The following MARCHF1 variants were observed in gnomAD, a reference collection of about 807,000 sequenced individuals.
MARCHF1 encodes membrane associated ring-CH-type finger 1.
A neutral mutation model predicts 54.2 loss-of-function variants in MARCHF1; 40 were observed. That is an observed-to-expected ratio of 0.74 (90% confidence interval 0.57 to 0.96). MARCHF1 has a LOEUF of 0.96. Among genes scored for constraint, MARCHF1 ranks in the 40% least tolerant of loss-of-function variants. The pLI is 0.00. For synonymous variants in MARCHF1, 236 were observed against 236.3 expected, an observed-to-expected ratio of 1.00 and a Z score of 0.01; for missense variants, 586 against 656.5, an observed-to-expected ratio of 0.89 and a Z score of 1.17.
At chr4:164,147,958 C>A (rs184699752) in intron 1 of MARCHF1, among the ~76,000 whole-genome samples, 1 of 151,716 alleles carries the variant, frequency 6.6e-6, no homozygotes, top group African/African-American at 2.4e-5. Context: ...AAAGTATAAT[C>A]TATAGAATAT....
chr4:163,531,429 A>G (rs1465008140), intron 9 of MARCHF1, among the ~76,000 whole-genome samples: 1 of 151,834 alleles, frequency 6.6e-6, no homozygotes, highest in African/African-American at 2.4e-5. Context: ...CAATCATGAT[A>G]AAAACTAGGA....
At position 163,986,246 on chromosome 4, in the gene MARCHF1, C is replaced by CTTTTTTTTTTTTTTTTTTTT. The variant is rs1752861022; in HGVS notation, c.-39+2254_-39+2255insAAAAAAAAAAAAAAAAAAAA. On this transcript the variant is annotated intron_variant, in intron 3 of 9. Coordinates refer to ENST00000514618, the MANE Select transcript of MARCHF1 (RefSeq NM_001394959.1). ...CCTTTCCTTTTCTCCTAATTAACCT[C>CTTTTTTTTTTTTTTTTTTTT]TTCTTTTTTTTTTTTTTTTTTTTTT... Among the ~76,000 whole-genome samples, 28 of 73,756 alleles carry CTTTTTTTTTTTTTTTTTTTT rather than the reference C, an allele frequency of 3.8e-4. 5 individuals are homozygous for CTTTTTTTTTTTTTTTTTTTT. Among genetic ancestry groups the CTTTTTTTTTTTTTTTTTTTT allele is most frequent in the Non-Finnish European group, 6.9e-4 (25 of 36,398 alleles). The allele number at this position is 73,756 out of a possible 152,430, so 48.4% of individuals were successfully genotyped here.
At chr4:163,672,257 TTTTTA>T (rs1476232757) in intron 5 of MARCHF1, among the ~76,000 whole-genome samples, 1 of 152,124 alleles carries the variant, frequency 6.6e-6, no homozygotes, top group Non-Finnish European at 1.5e-5. Flanking sequence ...AACTATGTAT[TTTTTA>T]TTTTAATTTT....
intron 1 of MARCHF1, among the ~76,000 whole-genome samples, chr4:164,228,885 T>C (rs1300711019): frequency 6.6e-6 from 1 of 152,150 alleles, no homozygotes; most frequent in Non-Finnish European, 1.5e-5. Flanking sequence ...AATGATCACA[T>C]TGTAGTCCAT....
chr4:164,094,387 C>T (rs1165915569), intron 2 of MARCHF1, among the ~76,000 whole-genome samples: 1 of 152,042 alleles, frequency 6.6e-6, no homozygotes, highest in East Asian at 1.9e-4. Context: ...TACATTATGC[C>T]CTCCAGTTCA....
In MARCHF1 at chr4:163,577,812, G is replaced by A. The variant is rs72989870; in HGVS notation, c.1191+7937C>T. 7.5e-3 allele frequency among the ~76,000 whole-genome samples: 1,137 copies of A among 151,732 alleles called. 7 individuals carry two copies. The highest frequency in any genetic ancestry group is 0.026 in the African/African-American group (1,088 of 41,368). Reference sequence around the variant, plus strand: ...TTTTTCCTTATTTTTGTCTAACTGGGTGAGTTCAAAAGACCAGTATTCAAG... The same window carrying A: ...TTTTTCCTTATTTTTGTCTAACTGGATGAGTTCAAAAGACCAGTATTCAAG... On this transcript the variant is annotated intron_variant, in intron 8 of 9. Transcript: ENST00000514618.
chr4:163,979,055 T>C (rs1435961947), intron 3 of MARCHF1, among the ~76,000 whole-genome samples: 1 of 142,140 alleles, frequency 7.0e-6, no homozygotes, highest in Admixed American at 7.1e-5. Flanking sequence ...AGTTTTAGGG[T>C]ACATGTGCAC....
At chr4:164,210,382 C>A (rs547280075) in intron 1 of MARCHF1, among the ~76,000 whole-genome samples, 7 of 152,194 alleles carry the variant, frequency 4.6e-5, no homozygotes, top group African/African-American at 1.7e-4. Flanking sequence ...CTAGCATGAG[C>A]AACTCGAATG....
intron 3 of MARCHF1, among the ~76,000 whole-genome samples, chr4:163,939,834 C>T (rs182274000): frequency 6.6e-6 from 1 of 152,228 alleles, no homozygotes; most frequent in Non-Finnish European, 1.5e-5. Flanking sequence ...TCCTAAGGAA[C>T]TGCTTATGAT....
intron 3 of MARCHF1, among the ~76,000 whole-genome samples, chr4:163,855,533 T>A (rs1206979612): frequency 6.6e-6 from 1 of 152,198 alleles, no homozygotes; most frequent in Non-Finnish European, 1.5e-5. Flanking sequence ...TTTCTTGAAG[T>A]GTGCTAAGAG....
intron 5 of MARCHF1, among the ~76,000 whole-genome samples, chr4:163,633,040 T>C (rs1250250491): frequency 6.6e-6 from 1 of 152,064 alleles, no homozygotes; most frequent in Non-Finnish European, 1.5e-5. Context: ...GAGGGTCCTG[T>C]CTGTTAGAAG....
At chr4:164,011,155 G>A (rs574268153) in intron 2 of MARCHF1, among the ~76,000 whole-genome samples, 2 of 152,128 alleles carry the variant, frequency 1.3e-5, no homozygotes, top group African/African-American at 4.8e-5. Flanking sequence ...CTGAAACTAT[G>A]AAGCTACTAG....
intron 4 of MARCHF1, among the ~76,000 whole-genome samples, chr4:163,845,647 T>A (rs1204093354): frequency 2.0e-5 from 3 of 152,124 alleles, no homozygotes; most frequent in African/African-American, 7.2e-5. Flanking sequence ...TCGGAGGAAC[T>A]CACAACTTCA....
intron 9 of MARCHF1, among the ~76,000 whole-genome samples, chr4:163,541,214 G>A (rs759609587): frequency 3.3e-5 from 5 of 152,210 alleles, no homozygotes; most frequent in Non-Finnish European, 7.3e-5. Flanking sequence ...CAAGGCCTCT[G>A]CCCTGGAGGA....
At chr4:163,785,816 A>G (rs1032660992) in intron 4 of MARCHF1, among the ~76,000 whole-genome samples, 1 of 152,050 alleles carries the variant, frequency 6.6e-6, no homozygotes, top group Admixed American at 6.6e-5. Flanking sequence ...TGAATATGTT[A>G]CCATAAATGG....
In MARCHF1 at chr4:164,328,075, C is replaced by T. The variant is rs80254026; in HGVS notation, c.-323+55795G>A. 7.9e-5 allele frequency among the ~76,000 whole-genome samples: 12 copies of T among 152,326 alleles called. No homozygotes were observed. The East Asian group carries it at 2.3e-3, about 29-fold the overall frequency. Reference sequence around the variant, plus strand: ...TACCCTCAGGGAGAGTACACAAAATCAGAAGAGCAGAAGGCTAACTGTGGA... The same window carrying T: ...TACCCTCAGGGAGAGTACACAAAATTAGAAGAGCAGAAGGCTAACTGTGGA... On this transcript the variant is annotated intron_variant, in intron 1 of 9. Transcript: ENST00000514618.
At position 163,596,807 on chromosome 4, in the gene MARCHF1, T is replaced by A. The variant is rs535972534; in HGVS notation, c.1011-10878A>T. Reference sequence around the variant, plus strand: ...TAGCAGTAAAATTACAAACATACAATTTGTTAGGTTGCTGCAAAAAGAATT... The same window carrying A: ...TAGCAGTAAAATTACAAACATACAAATTGTTAGGTTGCTGCAAAAAGAATT... On this transcript the variant is annotated intron_variant, in intron 7 of 9. Coordinates refer to ENST00000514618, the MANE Select transcript of MARCHF1 (RefSeq NM_001394959.1). Among the ~76,000 whole-genome samples the A allele has an allele frequency of 2.0e-5, 3 of 152,264 alleles. No individual in the cohort carries two copies. In the East Asian group the frequency reaches 5.8e-4, roughly 29 times the overall value.
intron 2 of MARCHF1, among the ~76,000 whole-genome samples, chr4:164,078,767 C>T (rs1320052221): frequency 5.3e-5 from 8 of 151,920 alleles, no homozygotes; most frequent in South Asian, 4.1e-4. Context: ...GATATATTTC[C>T]GAGCATAAAA....
intron 4 of MARCHF1, among the ~76,000 whole-genome samples, chr4:163,723,542 C>G (rs1745548924): frequency 6.6e-6 from 1 of 152,118 alleles, no homozygotes; most frequent in Non-Finnish European, 1.5e-5. Context: ...GTGGCGTTCT[C>G]TGTATTTCCT....
Sources: gnomAD v4.1 joint callset for allele counts (sites outside exome capture counted in the v4.1 genomes callset) on GRCh38, gnomAD v4.1.1 for gene constraint, MANE v1.5 for transcripts, NCBI Gene and HGNC (gene_info 2026-07-23, HGNC 2026-07-21) for gene names.